Variants in SOX5 observed in about 807,000 individuals in gnomAD.
SOX5 encodes the protein SRY-box transcription factor 5, also known as transcription factor SOX-5.
In SOX5, 9 loss-of-function variants were observed where a neutral mutation model predicts 92.0. The observed-to-expected ratio is 0.10, with a 90% CI of 0.06 to 0.17. The LOEUF (loss-of-function observed/expected upper bound fraction) is 0.17, where lower values mean the gene tolerates loss of function less well. Among genes scored for constraint, SOX5 ranks in the 10% least tolerant of loss-of-function variants. The pLI is 1.00. For synonymous variants in SOX5, 344 were observed against 336.3 expected (o/e 1.02, Z -0.25); for missense variants, 642 against 944.5 (o/e 0.68, Z 4.20).
chr12:24,188,638 A>C (rs1490136703), intron 4 of SOX5, among the ~76,000 whole-genome samples: 1 of 152,202 alleles, frequency 6.6e-6, no homozygotes, highest in Non-Finnish European at 1.5e-5. Context: ...ATAAAGAGTA[A>C]CATAGTTGAC....
chr12:24,049,638 G>GTTTTTTTTTTTTTTT (rs527647441), intron 4 of SOX5, among the ~76,000 whole-genome samples: 11 of 73,768 alleles, frequency 1.5e-4, no homozygotes, highest in African/African-American at 5.3e-4. Context: ...ATCCTTCATA[G>GTTTTTTTTTTTTTTT]TTTTTTTTTT....
At chr12:23,978,117 G>A (rs1414807403) in intron 4 of SOX5, among the ~76,000 whole-genome samples, 4 of 152,126 alleles carry the variant, frequency 2.6e-5, no homozygotes, top group Non-Finnish European at 5.9e-5. Context: ...AATAAATTCT[G>A]CTGGAGTAAG....
intron 3 of SOX5, among the ~76,000 whole-genome samples, chr12:23,814,098 T>A (rs2095935794): frequency 6.6e-6 from 1 of 152,156 alleles, no homozygotes. Flanking sequence ...GCATTCAAAA[T>A]TCCAAATAGA....
chr12:23,634,931 ATTCT>A (rs2079030171), intron 8 of SOX5, among the ~76,000 whole-genome samples: 1 of 152,210 alleles, frequency 6.6e-6, no homozygotes, highest in African/African-American at 2.4e-5. Context: ...TTCATTCCTC[ATTCT>A]TTATTTAACA....
At chr12:24,482,219 TG>T (rs1348457041) in intron 1 of SOX5, among the ~76,000 whole-genome samples, 1 of 152,064 alleles carries the variant, frequency 6.6e-6, no homozygotes, top group East Asian at 1.9e-4. Flanking sequence ...GATTCCCATA[TG>T]GGAAAAGAAA....
intron 6 of SOX5, among the ~76,000 whole-genome samples, chr12:23,692,270 T>C (rs1440315276): frequency 6.6e-6 from 1 of 151,334 alleles, no homozygotes; most frequent in Non-Finnish European, 1.5e-5. Context: ...CCATCTCTAA[T>C]AAAAATTAAA....
intron 1 of SOX5, among the ~76,000 whole-genome samples, chr12:24,473,051 CA>C (rs1275311609): frequency 6.6e-6 from 1 of 152,048 alleles, no homozygotes; most frequent in Non-Finnish European, 1.5e-5. Flanking sequence ...ATTGACTACT[CA>C]AAAACATTAC....
At chr12:24,172,109 G>A (rs28491386) in intron 4 of SOX5, among the ~76,000 whole-genome samples, 1 of 148,686 alleles carries the variant, frequency 6.7e-6, no homozygotes, top group South Asian at 2.1e-4. Context: ...GCGCGTGTGT[G>A]TCTGTGTGCT....
chr12:23,949,537 A>T (rs200394278), intron 1 of SOX5, 27 bp downstream of exon 1: 2 of 1,613,002 alleles, frequency 1.2e-6, no homozygotes, highest in East Asian at 4.5e-5. Flanking sequence ...GTACTTCAAT[A>T]TATTAGGGGG....
At chr12:24,118,675 C>T (rs2138282882) in intron 4 of SOX5, among the ~76,000 whole-genome samples, 1 of 152,160 alleles carries the variant, frequency 6.6e-6, no homozygotes, top group East Asian at 1.9e-4. Context: ...ACATCACAGT[C>T]TTGGTCAAAC....
chr12:24,498,330 A>C (rs60909752), intron 1 of SOX5, among the ~76,000 whole-genome samples: 3,922 of 152,296 alleles, frequency 0.026, 178 homozygotes, highest in African/African-American at 0.09. Context: ...AGAACTAGCA[A>C]ATCAGTGATA....
chr12:24,048,377 A>T (rs1051823782), intron 4 of SOX5, among the ~76,000 whole-genome samples: 2 of 152,172 alleles, frequency 1.3e-5, no homozygotes, highest in African/African-American at 4.8e-5. Context: ...CTCAAGTCCA[A>T]CTGTGTTCCT....
intron 9 of SOX5, among the ~76,000 whole-genome samples, chr12:23,600,826 A>G (rs1301140395): frequency 6.6e-6 from 1 of 151,794 alleles, no homozygotes; most frequent in Admixed American, 6.6e-5. Flanking sequence ...TTAATATTAT[A>G]AATAATTATG....
chr12:24,392,304 C>G (rs1207497516), intron 1 of SOX5, among the ~76,000 whole-genome samples: 1 of 152,158 alleles, frequency 6.6e-6, no homozygotes, highest in South Asian at 2.1e-4. Context: ...CCAAGTCACT[C>G]TCCGACTTAC....
chr12:24,157,139 A>C (rs1350660307), intron 4 of SOX5, among the ~76,000 whole-genome samples: 1 of 151,850 alleles, frequency 6.6e-6, no homozygotes, highest in African/African-American at 2.4e-5. Context: ...AATCTATTTG[A>C]TCTCCATTTT....
chr12:24,466,899 C>T (rs761992239), intron 1 of SOX5, among the ~76,000 whole-genome samples: 50 of 152,146 alleles, frequency 3.3e-4, no homozygotes, highest in Non-Finnish European at 6.3e-4. Flanking sequence ...TGCTGGTTTT[C>T]CCACAAGCCA....
chr12:23,913,629 A>G (rs570320524), intron 1 of SOX5, among the ~76,000 whole-genome samples: 1 of 151,988 alleles, frequency 6.6e-6, no homozygotes, highest in South Asian at 2.1e-4. Flanking sequence ...CCAGCTACTC[A>G]AGAGGCTAAG....
chr12:23,650,828 G>A (rs2081467324), intron 7 of SOX5, among the ~76,000 whole-genome samples: 1 of 152,068 alleles, frequency 6.6e-6, no homozygotes, highest in Admixed American at 6.6e-5. Context: ...GTTTTAAGCA[G>A]GAAAATAATA....
chr12:23,576,980 T>C (rs1172389044), intron 9 of SOX5, among the ~76,000 whole-genome samples: 1 of 151,074 alleles, frequency 6.6e-6, no homozygotes, highest in Non-Finnish European at 1.5e-5. Flanking sequence ...TTGTTGAAAG[T>C]AGAAAAATTT....
Sources: gnomAD v4.1 joint callset for allele counts (sites outside exome capture counted in the v4.1 genomes callset) on GRCh38, gnomAD v4.1.1 for gene constraint, MANE v1.5 for transcripts, NCBI Gene and HGNC (gene_info 2026-07-23, HGNC 2026-07-21) for gene names.